Variants in CPVL observed in about 807,000 individuals in gnomAD.
CPVL encodes the protein carboxypeptidase vitellogenic like.
A neutral mutation model predicts 63.7 loss-of-function variants in CPVL; 51 were observed. That is an observed-to-expected ratio of 0.80 (90% CI 0.64 to 1.01). The LOEUF (loss-of-function observed/expected upper bound fraction) is 1.01, where lower values mean the gene tolerates loss of function less well. Among genes scored for constraint, CPVL ranks in the 50% least tolerant of loss-of-function variants. The probability of loss-of-function intolerance (pLI) is 0.00; values close to 1 mark genes in which losing one functional copy is unlikely to be tolerated. For missense variants in CPVL, 530 were observed against 573.1 expected (o/e 0.92, Z 0.77); for synonymous variants, 195 against 206.0 (o/e 0.95, Z 0.46).
intron 11 of CPVL, among the ~76,000 whole-genome samples, chr7:29,040,429 C>T (rs1270286674): frequency 6.6e-6 from 1 of 152,138 alleles, no homozygotes; most frequent in Non-Finnish European, 1.5e-5. Context: ...ATGGATAATG[C>T]GTTGACCTCA....
intron 4 of CPVL, among the ~76,000 whole-genome samples, chr7:29,181,730 C>T (rs1313833988): frequency 1.3e-5 from 2 of 152,156 alleles, no homozygotes; most frequent in African/African-American, 2.4e-5. Context: ...AAAGTAGACA[C>T]TAATGATCTT....
At chr7:29,059,454 A>T (rs766261200) in intron 11 of CPVL, among the ~76,000 whole-genome samples, 1 of 152,178 alleles carries the variant, frequency 6.6e-6, no homozygotes, top group Non-Finnish European at 1.5e-5. Context: ...TATCGATAAA[A>T]TATTAGCAAT....
rs570922400 is a variant in CPVL, at chr7:29,032,766, G to A, written c.1138-2007C>T. On this transcript the variant is annotated intron_variant, in intron 11 of 12. Transcript: ENST00000265394. ...TACAGGCAGCTTGCATCTCTCATGT[G>A]TCTCCCACAGCTTTCTTTACTGACA... 3.3e-5 allele frequency among the ~76,000 whole-genome samples: 5 copies of A among 152,274 alleles called. No individual in the cohort carries two copies. In the South Asian group the frequency reaches 1.0e-3, roughly 32 times the overall value.
intron 1 of CPVL, among the ~76,000 whole-genome samples, chr7:29,129,207 G>T (rs1790413657): frequency 6.6e-6 from 1 of 152,150 alleles, no homozygotes; most frequent in Non-Finnish European, 1.5e-5. Context: ...GGAGTAGCAG[G>T]GGAGGTAATG....
intron 11 of CPVL, among the ~76,000 whole-genome samples, chr7:29,057,036 G>A (rs1417520437): frequency 7.2e-6 from 1 of 139,742 alleles, no homozygotes; most frequent in Non-Finnish European, 1.5e-5. Flanking sequence ...CTGCAACCTT[G>A]AACTCTTGGG....
At chr7:29,015,948 A>T (rs1042673802) in intron 12 of CPVL, among the ~76,000 whole-genome samples, 3 of 152,230 alleles carry the variant, frequency 2.0e-5, no homozygotes, top group Admixed American at 6.5e-5. Flanking sequence ...ATTGTGGATT[A>T]AAAAAGTGTG....
chr7:29,128,714 CAAA>C (rs60764606), intron 1 of CPVL, among the ~76,000 whole-genome samples: 15 of 133,398 alleles, frequency 1.1e-4, no homozygotes, highest in African/African-American at 1.4e-4. Context: ...GACTCTGTCT[CAAA>C]AAAAAAAAAA....
intron 12 of CPVL, among the ~76,000 whole-genome samples, chr7:29,026,474 G>C (rs1182294366): frequency 6.6e-6 from 1 of 151,218 alleles, no homozygotes; most frequent in African/African-American, 2.4e-5. Flanking sequence ...TTAGAACAAA[G>C]GAATAATAAC....
intron 5 of CPVL, among the ~76,000 whole-genome samples, chr7:29,161,001 T>C (rs1200291985): frequency 1.3e-5 from 2 of 152,208 alleles, no homozygotes; most frequent in African/African-American, 2.4e-5. Context: ...TTTTTCCTGC[T>C]TTTTTAAACT....
chr7:29,069,770 ATGTG>A (rs70977102), intron 9 of CPVL, among the ~76,000 whole-genome samples: 6,536 of 132,060 alleles, frequency 0.049, 189 homozygotes, highest in East Asian at 0.086. Context: ...TCACCAGTAA[ATGTG>A]TGTGTGTGTG....
intron 5 of CPVL, among the ~76,000 whole-genome samples, chr7:29,175,209 C>G (rs1201131023): frequency 6.6e-6 from 1 of 151,030 alleles, no homozygotes; most frequent in Non-Finnish European, 1.5e-5. Flanking sequence ...GGGCCTCTCT[C>G]TGTCACCCAG....
intron 12 of CPVL, chr7:29,011,983 G>A (rs547772127): frequency 6.6e-6 from 1 of 152,266 alleles, no homozygotes; most frequent in South Asian, 2.1e-4. Flanking sequence ...CATAATGAAA[G>A]GAAATGCTAT....
chr7:29,132,240 G>A (rs1232202660), intron 1 of CPVL, among the ~76,000 whole-genome samples: 1 of 152,172 alleles, frequency 6.6e-6, no homozygotes, highest in Non-Finnish European at 1.5e-5. Flanking sequence ...AAACAATGCA[G>A]ATGGAAGCCC....
At chr7:29,117,818 TA>T (rs1359110254) in intron 2 of CPVL, among the ~76,000 whole-genome samples, 1 of 152,210 alleles carries the variant, frequency 6.6e-6, no homozygotes, top group Non-Finnish European at 1.5e-5. Flanking sequence ...TACCCAAATT[TA>T]AATTCCATAC....
At chr7:29,183,402 G>A (rs1291376431) in intron 4 of CPVL, among the ~76,000 whole-genome samples, 2 of 150,904 alleles carry the variant, frequency 1.3e-5, no homozygotes, top group African/African-American at 4.9e-5. Context: ...TTTGAGACAG[G>A]GTCTTGCTCT....
At chr7:29,159,620 C>T (rs948744852) in intron 5 of CPVL, among the ~76,000 whole-genome samples, 3 of 152,078 alleles carry the variant, frequency 2.0e-5, no homozygotes, top group Non-Finnish European at 2.9e-5. Context: ...CCTCCTTCCC[C>T]GCTTCGTGCA....
chr7:29,151,111 G>A (rs926167068), upstream of CPVL, among the ~76,000 whole-genome samples: 5 of 152,160 alleles, frequency 3.3e-5, no homozygotes, highest in Admixed American at 1.3e-4. Context: ...TTATTGAAGT[G>A]CTTCAGTCTC....
intron 10 of CPVL, among the ~76,000 whole-genome samples, chr7:29,064,634 G>C (rs1310137049): frequency 6.6e-6 from 1 of 152,202 alleles, no homozygotes; most frequent in East Asian, 1.9e-4. Context: ...GATCACAAGG[G>C]CCAGGTTGGT....
rs561008600 is a variant in CPVL at position 29,030,680 on chromosome 7, T to C, written c.1217A>G (p.Lys406Arg). The change falls in exon 12 of 13, where the codon AAA (lysine) becomes AGA (arginine). Residue 406 changes from lysine to arginine, a missense_variant. Transcript: ENST00000265394. ...TGCCTTCTTGTATTCCTGGGATCCT[T>C]TCCAGTCCATGCCCATCAAGGAGCG... ...TERSLMGMDWKGSQEYKKAEK... is the reference protein window; with the variant it reads ...TERSLMGMDWRGSQEYKKAEK... 13 of 1,613,886 alleles carry C rather than the reference T, an allele frequency of 8.1e-6. No individual in the cohort carries two copies. In the African/African-American group the frequency reaches 1.3e-4, roughly 17 times the overall value.
Sources: allele counts gnomAD v4.1 joint callset (sites outside exome capture counted in the v4.1 genomes callset), GRCh38; gene constraint gnomAD v4.1.1; transcripts MANE v1.5; gene names NCBI Gene and HGNC (gene_info 2026-07-23, HGNC 2026-07-21).